CDK14: variants seen among roughly 807,000 people sequenced by gnomAD.
CDK14 encodes cyclin-dependent kinase 14.
Under a neutral mutation model 60.7 loss-of-function variants are expected in CDK14, and 34 were observed. The observed-to-expected ratio is 0.56, with a 90% CI of 0.43 to 0.75. CDK14 has a LOEUF of 0.75. Among genes scored for constraint, CDK14 ranks in the 30% least tolerant of loss-of-function variants. CDK14 has a pLI of 0.00. For synonymous variants in CDK14, 197 were observed against 203.7 expected, an observed-to-expected ratio of 0.97 and a Z score of 0.28; for missense variants, 482 against 564.1, an observed-to-expected ratio of 0.85 and a Z score of 1.47.
chr7:90,667,962 A>G (rs1801020010), intron 2 of CDK14, among the ~76,000 whole-genome samples: 1 of 152,058 alleles, frequency 6.6e-6, no homozygotes, highest in Non-Finnish European at 1.5e-5. Context: ...GGTTGTTTCC[A>G]CTTTTTGGCT....
intron 4 of CDK14, among the ~76,000 whole-genome samples, chr7:90,782,221 CTAT>C (rs1805360762): frequency 6.6e-6 from 1 of 152,028 alleles, no homozygotes; most frequent in Non-Finnish European, 1.5e-5. Context: ...CTCTGTTTGT[CTAT>C]TATTGGTGTA....
chr7:90,641,234 T>TA (rs1800321409), intron 2 of CDK14, among the ~76,000 whole-genome samples: 1 of 151,978 alleles, frequency 6.6e-6, no homozygotes, highest in African/African-American at 2.4e-5. Context: ...CTCAAATAGT[T>TA]AAACATAGAA....
chr7:90,762,365 C>T lies in CDK14; in HGVS notation c.464+14590C>T, dbSNP rs549324706. ...CCCTCCAGGGTTTGGCACCCTCCCT[C>T]AAGTTGTAAGTAGGTGTGAATTTTT... On this transcript the variant is annotated intron_variant, in intron 4 of 14. Coordinates refer to ENST00000380050, the MANE Select transcript of CDK14 (RefSeq NM_001287135.2). Among the ~76,000 whole-genome samples the T allele has an allele frequency of 6.6e-5, 10 of 152,258 alleles. No homozygotes were observed. In the South Asian group the frequency reaches 1.2e-3, roughly 19 times the overall value.
intron 14 of CDK14, among the ~76,000 whole-genome samples, chr7:91,124,212 C>G (rs974468712): frequency 1.8e-4 from 27 of 152,040 alleles, no homozygotes; most frequent in African/African-American, 5.3e-4. Flanking sequence ...TTTATATTGA[C>G]ATAATTTCAT....
intron 9 of CDK14, among the ~76,000 whole-genome samples, chr7:90,977,840 C>T (rs1795122609): frequency 6.6e-6 from 1 of 152,094 alleles, no homozygotes; most frequent in African/African-American, 2.4e-5. Context: ...GTGCCTGACA[C>T]TCTGCTATGT....
chr7:90,878,783 A>G (rs2117275268), intron 6 of CDK14, among the ~76,000 whole-genome samples: 1 of 152,316 alleles, frequency 6.6e-6, no homozygotes, highest in East Asian at 1.9e-4. Context: ...ATGAGAAGTA[A>G]TTTTAAAAAA....
chr7:90,664,502 C>A (rs1051408179), intron 2 of CDK14, among the ~76,000 whole-genome samples: 3 of 152,058 alleles, frequency 2.0e-5, no homozygotes, highest in South Asian at 2.1e-4. Flanking sequence ...ATGTTTATAG[C>A]GGCACTATTC....
At chr7:90,772,657 A>G (rs1042009555) in intron 4 of CDK14, among the ~76,000 whole-genome samples, 1 of 152,082 alleles carries the variant, frequency 6.6e-6, no homozygotes, top group Admixed American at 6.5e-5. Flanking sequence ...CCATGATTGT[A>G]AGTTTCTTGA....
At chr7:90,932,039 G>C (rs1793608367) in intron 8 of CDK14, among the ~76,000 whole-genome samples, 1 of 152,158 alleles carries the variant, frequency 6.6e-6, no homozygotes, top group Non-Finnish European at 1.5e-5. Flanking sequence ...TAGTTTGTTG[G>C]ATAACAGCAA....
In CDK14 at chr7:90,990,331, T is replaced by C. The variant is rs138951515; in HGVS notation, c.1041+6090T>C. Among the ~76,000 whole-genome samples, 320 of 152,294 alleles carry C rather than the reference T, an allele frequency of 2.1e-3. 1 individual carries two copies. The highest frequency in any genetic ancestry group is 7.3e-3 in the African/African-American group (303 of 41,556). On this transcript the variant is annotated intron_variant, in intron 10 of 14. Coordinates refer to ENST00000380050, the MANE Select transcript of CDK14 (RefSeq NM_001287135.2). ...ATGATAAATTCAACTGTATAAAGACTGGCAGAAGTAGAGAATTAAACAACA... is the reference window on the plus strand; with the variant it reads ...ATGATAAATTCAACTGTATAAAGACCGGCAGAAGTAGAGAATTAAACAACA...
chr7:91,099,291 C>T (rs1799092425), intron 12 of CDK14, among the ~76,000 whole-genome samples: 1 of 152,084 alleles, frequency 6.6e-6, no homozygotes, highest in Non-Finnish European at 1.5e-5. Context: ...ATATTTATAA[C>T]CAATCTCTCT....
At chr7:90,835,654 C>G (rs1292141448) in intron 5 of CDK14, among the ~76,000 whole-genome samples, 1 of 152,182 alleles carries the variant, frequency 6.6e-6, no homozygotes, top group East Asian at 1.9e-4. Flanking sequence ...CTGCTCCTCT[C>G]TCACTTCCTT....
At chr7:91,046,403 A>G (rs1346197791) in intron 11 of CDK14, among the ~76,000 whole-genome samples, 1 of 152,180 alleles carries the variant, frequency 6.6e-6, no homozygotes, top group Non-Finnish European at 1.5e-5. Context: ...GAGTTTAAAC[A>G]TGTAAGATGC....
intron 11 of CDK14, among the ~76,000 whole-genome samples, chr7:91,052,551 A>T (rs1797422042): frequency 6.6e-6 from 1 of 151,422 alleles, no homozygotes; most frequent in Non-Finnish European, 1.5e-5. Flanking sequence ...GATTCCATGT[A>T]TGATACTTTC....
rs554043627 is a variant in CDK14, at chr7:91,039,463, C to G, written c.1042-6434C>G. On this transcript the variant is annotated intron_variant, in intron 10 of 14. Transcript: ENST00000380050. ...AATGAAAAAGATACATAAGGATGGC[C>G]AGTGAAAAACGTGGGTCCCCTCCAC... is the stretch of plus-strand genomic sequence containing the variant. Among the ~76,000 whole-genome samples, 63 of 152,194 alleles carry G rather than the reference C, an allele frequency of 4.1e-4. 1 individual carries two copies. Among genetic ancestry groups the G allele is most frequent in the African/African-American group, 1.5e-3 (61 of 41,520 alleles).
At chr7:90,701,831 C>G (rs1385304755) in intron 2 of CDK14, among the ~76,000 whole-genome samples, 1 of 152,340 alleles carries the variant, frequency 6.6e-6, no homozygotes, top group African/African-American at 2.4e-5. Context: ...GGTGCTATCT[C>G]CATGTTATCA....
At chr7:90,996,031 G>A (rs932510873) in intron 10 of CDK14, among the ~76,000 whole-genome samples, 18 of 152,168 alleles carry the variant, frequency 1.2e-4, no homozygotes, top group African/African-American at 4.3e-4. Flanking sequence ...CTGGAATGTG[G>A]AAGTCATTCT....
At chr7:90,927,650 T>C (rs528595362) in intron 8 of CDK14, among the ~76,000 whole-genome samples, 118 of 152,336 alleles carry the variant, frequency 7.7e-4, no homozygotes, top group African/African-American at 2.8e-3. Context: ...TGCAGCCACA[T>C]GCCTGAGTTT....
Position 91,179,986 on chromosome 7 carries a change from G to A in CDK14, c.*29-27179G>A, listed in dbSNP as rs117747838. Among the ~76,000 whole-genome samples, 305 of 152,186 alleles carry A rather than the reference G, an allele frequency of 2.0e-3. 2 individuals carry two copies. Among genetic ancestry groups the A allele is most frequent in the Non-Finnish European group, 2.7e-3 (187 of 68,018 alleles). On this transcript the variant is annotated intron_variant, in intron 14 of 14. Transcript: ENST00000380050. ...GATTCAAACTTATGTACATATTTAT[G>A]CTATAGAGTATTATAGAGTAATAAA...
Sources: allele counts gnomAD v4.1 joint callset (sites outside exome capture counted in the v4.1 genomes callset), GRCh38; gene constraint gnomAD v4.1.1; transcripts MANE v1.5; gene names NCBI Gene and HGNC (gene_info 2026-07-23, HGNC 2026-07-21).